Variants in RASGEF1A observed in about 807,000 individuals in gnomAD.
RASGEF1A encodes the protein ras-GEF domain-containing family member 1A.
A neutral mutation model predicts 56.4 loss-of-function variants in RASGEF1A; 18 were observed. The ratio of observed to expected loss-of-function variants is 0.32; its 90% CI spans 0.22 to 0.47. The LOEUF (loss-of-function observed/expected upper bound fraction) is 0.47. Ranked by LOEUF, RASGEF1A falls within the 20% of genes least tolerant of loss-of-function variation. RASGEF1A has a pLI of 1.00. For missense variants in RASGEF1A, 422 were observed against 627.1 expected (o/e 0.67, Z 3.49); for synonymous variants, 245 against 242.6 (o/e 1.01, Z -0.09).
At chr10:43,231,293 G>A (rs1179735502) in intron 1 of RASGEF1A, among the ~76,000 whole-genome samples, 1 of 152,268 alleles carries the variant, frequency 6.6e-6, no homozygotes, top group Non-Finnish European at 1.5e-5. Flanking sequence ...GCACCAAGAA[G>A]GTGAAACCTG....
In RASGEF1A at chr10:43,224,729, C is replaced by T. The variant is rs1225116832; in HGVS notation, c.-6-18607G>A. The stretch of plus-strand genomic sequence containing the variant: ...ACTGCTATTATTTAATGTTACTTTG[C>T]ACCTTTTAGAAAACATAATAAGATA... On this transcript the variant is annotated intron_variant, in intron 1 of 12. Transcript: ENST00000395810. Among the ~76,000 whole-genome samples, 4 of 152,276 alleles carry T rather than the reference C, an allele frequency of 2.6e-5. No homozygotes were observed. In the East Asian group the frequency reaches 7.7e-4, roughly 29 times the overall value.
intron 1 of RASGEF1A, among the ~76,000 whole-genome samples, chr10:43,251,362 C>T (rs566859477): frequency 1.3e-5 from 2 of 152,288 alleles, no homozygotes; most frequent in East Asian, 3.9e-4. Flanking sequence ...CTGCCTGAAG[C>T]GTCTTGTGGG....
chr10:43,251,697 G>C (rs1840629320), intron 1 of RASGEF1A, among the ~76,000 whole-genome samples: 1 of 152,130 alleles, frequency 6.6e-6, no homozygotes, highest in Admixed American at 6.5e-5. Flanking sequence ...GCGCTACCTG[G>C]GGAGCTCACC....
chr10:43,229,514 G>A, intron 1 of RASGEF1A: 1 of 730,598 alleles, frequency 1.4e-6, no homozygotes, highest in South Asian at 2.1e-5. Context: ...GCGGCGCGCG[G>A]GTCCTCAGGG....
In RASGEF1A at chr10:43,262,787, G is replaced by A. The variant is rs75796382; in HGVS notation, c.-7+4058C>T. Among the ~76,000 whole-genome samples, 1,362 of 152,340 alleles carry A rather than the reference G, an allele frequency of 8.9e-3. 57 individuals carry two copies. The East Asian group carries it at 0.097, about 11-fold the overall frequency. ...GGAGACCCAGCAGAAGCCATGCCCT[G>A]AGTAGGGGAACAGACTGCTGGGTAA... is the stretch of plus-strand genomic sequence containing the variant. On this transcript the variant is annotated intron_variant, in intron 1 of 12. Coordinates refer to ENST00000395810, the MANE Select transcript of RASGEF1A (RefSeq NM_145313.4).
intron 8 of RASGEF1A, 37 bp from the exon 9 acceptor site, chr10:43,199,049 G>A (rs772615944): frequency 1.9e-6 from 3 of 1,594,126 alleles, no homozygotes; most frequent in East Asian, 2.2e-5. Flanking sequence ...GGCCGGGGGG[G>A]TGGGCCATGC....
intron 1 of RASGEF1A, among the ~76,000 whole-genome samples, chr10:43,247,015 C>T (rs1265563006): frequency 6.6e-6 from 1 of 152,048 alleles, no homozygotes; most frequent in African/African-American, 2.4e-5. Context: ...TATTTGCATG[C>T]CATATATGTT....
chr10:43,252,916 G>A (rs535442590), intron 1 of RASGEF1A, among the ~76,000 whole-genome samples: 1 of 151,966 alleles, frequency 6.6e-6, no homozygotes. Flanking sequence ...CTCATCGTCC[G>A]CACCCCACTG....
chr10:43,238,198 G>C (rs1206482668), intron 1 of RASGEF1A, among the ~76,000 whole-genome samples: 1 of 152,112 alleles, frequency 6.6e-6, no homozygotes, highest in Non-Finnish European at 1.5e-5. Flanking sequence ...TCGACTTAAA[G>C]GGGTCTTCAG....
rs139400935 is a variant in RASGEF1A, at chr10:43,203,588, T to G, written c.199-168A>C. The stretch of plus-strand genomic sequence containing the variant: ...TCGCCTTGCAGGCCCTTCCTCCTCT[T>G]ACTGCTACCCCGGCCCTGCCTACCT... On this transcript the variant is annotated intron_variant, in intron 2 of 12. Coordinates refer to ENST00000395810, the MANE Select transcript of RASGEF1A (RefSeq NM_145313.4). 7.9e-6 allele frequency: 10 copies of G among 1,263,050 alleles called. No individual in the cohort carries two copies. In the South Asian group the frequency reaches 1.1e-4, roughly 14 times the overall value. The allele number at this position is 1,263,050 out of a possible 1,614,324, so 78.2% of individuals were successfully genotyped here.
At position 43,196,013 on chromosome 10, in the gene RASGEF1A, T is replaced by C. The variant is rs1330226696; in HGVS notation, c.*231A>G. Reference sequence around the variant, plus strand: ...TCATGGATACCATCTCCCATGATACTCTCCCCTCCCCCTCCCCAAAGCAGG... The same window carrying C: ...TCATGGATACCATCTCCCATGATACCCTCCCCTCCCCCTCCCCAAAGCAGG... On this transcript the variant is annotated 3_prime_UTR_variant, in exon 13 of 13. Transcript: ENST00000395810. This position sits in a 1 kb window ranked among gnomAD's most constrained non-coding sequence, Gnocchi z 4.6. The C allele has an allele frequency of 2.5e-6, 1 of 399,778 alleles. No individual in the cohort carries two copies. The highest frequency in any genetic ancestry group is 4.5e-6 in the Non-Finnish European group (1 of 223,962). The allele number at this position is 399,778 out of a possible 1,614,324, so 24.8% of individuals were successfully genotyped here.
chr10:43,208,242 G>A lies in RASGEF1A; in HGVS notation c.-6-2120C>T, dbSNP rs1201947012. The A allele has an allele frequency of 1.4e-5, 14 of 985,336 alleles. No individual in the cohort carries two copies. The East Asian group carries it at 1.6e-3, about 112-fold the overall frequency. 61.0% of individuals were successfully genotyped at this position (985,336 alleles called of 1,614,324 possible). Reference sequence around the variant, plus strand: ...CCAAGCTCTTGGGGTCATCAGAGAGGGCATTTGCCGAGCCACTGGCCTCTC... The same window carrying A: ...CCAAGCTCTTGGGGTCATCAGAGAGAGCATTTGCCGAGCCACTGGCCTCTC... On this transcript the variant is annotated intron_variant, in intron 1 of 12. Coordinates refer to ENST00000395810, the MANE Select transcript of RASGEF1A (RefSeq NM_145313.4).
intron 9 of RASGEF1A, among the ~76,000 whole-genome samples, chr10:43,198,549 T>C (rs1410356825): frequency 1.3e-5 from 2 of 152,238 alleles, no homozygotes; most frequent in East Asian, 1.9e-4. Context: ...AAAAATGGAC[T>C]CTGTGGTCAA....
At chr10:43,222,225 T>C (rs893433402) in intron 1 of RASGEF1A, among the ~76,000 whole-genome samples, 13 of 152,180 alleles carry the variant, frequency 8.5e-5, no homozygotes, top group African/African-American at 3.1e-4. Context: ...ATTATGAATC[T>C]CAGGGGACCA....
chr10:43,237,222 A>G (rs2503851), intron 1 of RASGEF1A, among the ~76,000 whole-genome samples: 116,077 of 151,990 alleles, frequency 0.76, 44,503 homozygotes, highest in East Asian at 0.96. Flanking sequence ...TGCTCTATGG[A>G]AATTGGAGGC....
In RASGEF1A at chr10:43,198,970, CAA is replaced by C; in HGVS notation, c.993_994del (p.Trp332ValfsTer9). 4 of 1,601,378 alleles carry C rather than the reference CAA, an allele frequency of 2.5e-6. No individual in the cohort carries two copies. Among genetic ancestry groups the C allele is most frequent in the Non-Finnish European group, 3.4e-6 (4 of 1,172,776 alleles). ...AAACTTGGCTGTCTTGACCTTGGACCAAGTTTTCTTCAGCCTTGCCACAGGAC... is the reference window on the plus strand; with the variant it reads ...AAACTTGGCTGTCTTGACCTTGGACCGTTTTCTTCAGCCTTGCCACAGGAC... On this transcript the variant is annotated frameshift_variant, in exon 9 of 13. Coordinates refer to ENST00000395810, the MANE Select transcript of RASGEF1A (RefSeq NM_145313.4). LOFTEE classifies it high-confidence loss of function.
intron 1 of RASGEF1A, among the ~76,000 whole-genome samples, chr10:43,245,562 AT>A (rs1336220760): frequency 6.6e-6 from 1 of 152,240 alleles, no homozygotes; most frequent in Non-Finnish European, 1.5e-5. Flanking sequence ...CCAGCAGCAT[AT>A]TTTGTAAGTA....
Position 43,258,945 on chromosome 10 carries a change from C to T in RASGEF1A, c.-7+7900G>A, listed in dbSNP as rs532731852. ...GCTGATGTGCAGGCCCCAGACTCCCCGGCCAGTGCTCCCCACCCTGCACTG... is the reference window on the plus strand; with the variant it reads ...GCTGATGTGCAGGCCCCAGACTCCCTGGCCAGTGCTCCCCACCCTGCACTG... On this transcript the variant is annotated intron_variant, in intron 1 of 12. Coordinates refer to ENST00000395810, the MANE Select transcript of RASGEF1A (RefSeq NM_145313.4). Among the ~76,000 whole-genome samples the T allele has an allele frequency of 3.2e-3, 482 of 152,350 alleles. 2 individuals carry two copies. The highest frequency in any genetic ancestry group is 0.01 in the African/African-American group (427 of 41,572).
intron 1 of RASGEF1A, among the ~76,000 whole-genome samples, chr10:43,254,926 G>A (rs1332400796): frequency 6.6e-6 from 1 of 152,092 alleles, no homozygotes; most frequent in Non-Finnish European, 1.5e-5. Flanking sequence ...GTAGCCCCAG[G>A]GCCCACTGGA....
Sources: gnomAD v4.1 joint callset for allele counts (sites outside exome capture counted in the v4.1 genomes callset) on GRCh38, gnomAD v4.1.1 for gene constraint, Gnocchi (gnomAD v3.1) non-coding constraint, MANE v1.5 for transcripts, NCBI Gene and HGNC (gene_info 2026-07-23, HGNC 2026-07-21) for gene names.